The following BAZ2B variants were observed in gnomAD, a reference collection of about 807,000 sequenced individuals.
The protein encoded by BAZ2B is bromodomain adjacent to zinc finger domain protein 2B.
A neutral mutation model predicts 246.0 loss-of-function variants in BAZ2B; 91 were observed. The ratio of observed to expected loss-of-function variants is 0.37; its 90% confidence interval spans 0.31 to 0.44. The LOEUF (loss-of-function observed/expected upper bound fraction) is 0.44, where lower values mean the gene tolerates loss of function less well. BAZ2B is among the 20% of genes least tolerant of loss of function. BAZ2B has a pLI of 1.00. For synonymous variants in BAZ2B, 855 were observed against 860.0 expected, an observed-to-expected ratio of 0.99 and a Z score of 0.10; for missense variants, 2,332 against 2,533.7, an observed-to-expected ratio of 0.92 and a Z score of 1.71.
chr2:159,573,132 C>A (rs904238683), intron 1 of BAZ2B, among the ~76,000 whole-genome samples: 2 of 152,108 alleles, frequency 1.3e-5, no homozygotes, highest in East Asian at 3.9e-4. Flanking sequence ...TTATAAGTGA[C>A]CTTGAAGAAA....
At chr2:159,706,793 G>A in the BAZ2B span, among the ~76,000 whole-genome samples, 31 of 152,302 alleles carry the variant, frequency 2.0e-4, no homozygotes, top group African/African-American at 7.2e-4. Flanking sequence ...ACCCAGTTAC[G>A]TAAGTAGCAC....
the BAZ2B span, among the ~76,000 whole-genome samples, chr2:159,639,212 C>A: frequency 6.6e-6 from 1 of 152,164 alleles, no homozygotes; most frequent in African/African-American, 2.4e-5. Context: ...TCAGGAAGGA[C>A]AAATAAAGAT....
chr2:159,549,986 G>C (rs2087943492), intron 2 of BAZ2B, among the ~76,000 whole-genome samples: 1 of 151,968 alleles, frequency 6.6e-6, no homozygotes, highest in East Asian at 1.9e-4. Context: ...ACCACGCCTG[G>C]CGAATTTTTG....
intron 21 of BAZ2B, among the ~76,000 whole-genome samples, chr2:159,387,648 C>A (rs1216288152): frequency 6.6e-6 from 1 of 152,002 alleles, no homozygotes; most frequent in East Asian, 1.9e-4. Flanking sequence ...TTTTCTTGAA[C>A]CACAGGAAAC....
At position 159,591,125 on chromosome 2, in the gene BAZ2B, T is replaced by C. The variant is rs372118272; in HGVS notation, c.-46+25117A>G. Among the ~76,000 whole-genome samples the C allele has an allele frequency of 2.0e-5, 3 of 152,218 alleles. No homozygotes were observed. In the South Asian group the frequency reaches 6.2e-4, roughly 32 times the overall value. On this transcript the variant is annotated intron_variant, in intron 1 of 36. Transcript: ENST00000392783. ...TCTCATTGCCTAAAACTTTTGTAGA[T>C]GTTACTACCTATGAATAAAAATCAC... is the stretch of plus-strand genomic sequence containing the variant.
In BAZ2B at chr2:159,594,971, C is replaced by T. The variant is rs527541450; in HGVS notation, c.-46+21271G>A. On this transcript the variant is annotated intron_variant, in intron 1 of 36. Coordinates refer to ENST00000392783, the MANE Select transcript of BAZ2B (RefSeq NM_013450.4). The stretch of plus-strand genomic sequence containing the variant: ...TTTCAACAGTAAGTATATTTTGCAG[C>T]ATGGCAGCTTGAAGATAATTTTCAA... Among the ~76,000 whole-genome samples the T allele has an allele frequency of 2.6e-5, 4 of 152,108 alleles. No homozygotes were observed. The South Asian group carries it at 8.3e-4, about 32-fold the overall frequency.
intron 2 of BAZ2B, among the ~76,000 whole-genome samples, chr2:159,539,641 T>C (rs868777571): frequency 6.6e-6 from 1 of 152,158 alleles, no homozygotes; most frequent in Admixed American, 6.6e-5. Context: ...AGTCAAAGGC[T>C]GAGATAAGAG....
intron 21 of BAZ2B, 85 bp downstream of exon 21, chr2:159,389,260 A>G (rs1349549428): frequency 7.5e-7 from 1 of 1,333,310 alleles, no homozygotes; most frequent in South Asian, 1.8e-5. Flanking sequence ...GGCTTTCACA[A>G]TAGCAGCTCT....
the BAZ2B span, among the ~76,000 whole-genome samples, chr2:159,627,002 T>C: frequency 6.6e-5 from 10 of 152,006 alleles, no homozygotes; most frequent in East Asian, 5.8e-4. Flanking sequence ...ACTGATACCA[T>C]AGACATACAA....
intron 14 of BAZ2B, among the ~76,000 whole-genome samples, chr2:159,405,458 G>A (rs982919242): frequency 8.5e-5 from 13 of 152,150 alleles, no homozygotes; most frequent in African/African-American, 2.7e-4. Context: ...GATCTGCCCC[G>A]CCTCGGCCTC....
intron 1 of BAZ2B, among the ~76,000 whole-genome samples, chr2:159,598,112 G>C (rs1691204217): frequency 2.0e-5 from 3 of 151,784 alleles, no homozygotes. Context: ...TCCTGCCTCA[G>C]CCTCCCGAGT....
intron 4 of BAZ2B, among the ~76,000 whole-genome samples, chr2:159,450,214 G>A (rs901932898): frequency 1.3e-5 from 2 of 151,902 alleles, no homozygotes; most frequent in African/African-American, 4.8e-5. Flanking sequence ...GAATGTCAAT[G>A]GTAAATAAGC....
At chr2:159,380,471 T>C (rs1037069199) in intron 25 of BAZ2B, among the ~76,000 whole-genome samples, 1 of 152,172 alleles carries the variant, frequency 6.6e-6, no homozygotes, top group Non-Finnish European at 1.5e-5. Context: ...TTTTGCAATG[T>C]TTGATTTTCT....
chr2:159,393,918 C>T (rs1469805018), intron 20 of BAZ2B, among the ~76,000 whole-genome samples: 7 of 152,264 alleles, frequency 4.6e-5, no homozygotes, highest in South Asian at 4.1e-4. Context: ...GAAAAACCAG[C>T]GGGAGGGTTC....
intron 34 of BAZ2B, among the ~76,000 whole-genome samples, chr2:159,330,476 A>T (rs2064543450): frequency 6.6e-6 from 1 of 152,210 alleles, no homozygotes; most frequent in Non-Finnish European, 1.5e-5. Context: ...ATAGGCACTG[A>T]TCACTGGAGT....
chr2:159,328,543 T>C (rs768894749), intron 34 of BAZ2B, among the ~76,000 whole-genome samples: 6 of 152,172 alleles, frequency 3.9e-5, no homozygotes, highest in Non-Finnish European at 5.9e-5. Flanking sequence ...TATTAGTGGG[T>C]TCTGGAACAT....
At chr2:159,648,534 T>G in the BAZ2B span, among the ~76,000 whole-genome samples, 1 of 152,234 alleles carries the variant, frequency 6.6e-6, no homozygotes, top group Non-Finnish European at 1.5e-5. Context: ...CACAATAGAT[T>G]ACTTTGCATT....
intron 27 of BAZ2B, among the ~76,000 whole-genome samples, chr2:159,354,438 C>A (rs1220444285): frequency 1.3e-5 from 2 of 152,124 alleles, no homozygotes; most frequent in African/African-American, 4.8e-5. Context: ...GCAACCTCCA[C>A]CTCCCAGGTT....
intron 27 of BAZ2B, among the ~76,000 whole-genome samples, chr2:159,370,954 C>T (rs149032018): frequency 2.7e-3 from 401 of 151,108 alleles, no homozygotes; most frequent in African/African-American, 9.2e-3. Flanking sequence ...TACTGGCATG[C>T]GCCACCACAC....
Sources: gnomAD v4.1 joint callset for allele counts (sites outside exome capture counted in the v4.1 genomes callset) on GRCh38, gnomAD v4.1.1 for gene constraint, MANE v1.5 for transcripts, NCBI Gene and HGNC (gene_info 2026-07-23, HGNC 2026-07-21) for gene names.